BANP: variants seen among roughly 807,000 people sequenced by gnomAD.
The protein encoded by BANP is BTG3 associated nuclear protein.
A neutral mutation model predicts 68.1 loss-of-function variants in BANP; 11 were observed. That is an observed-to-expected ratio of 0.16 (90% CI 0.10 to 0.27). BANP has a LOEUF of 0.27. BANP is among the 10% of genes least tolerant of loss of function. The pLI, the probability that BANP is intolerant of heterozygous loss-of-function variation, is 1.00. For synonymous variants in BANP, 329 were observed against 303.2 expected (o/e 1.09, Z -0.88); for missense variants, 504 against 722.7 (o/e 0.70, Z 3.47).
At chr16:88,040,883 A>T (rs374767144) in intron 11 of BANP, among the ~76,000 whole-genome samples, 5 of 152,352 alleles carry the variant, frequency 3.3e-5, no homozygotes, top group African/African-American at 1.2e-4. Context: ...TAGATCACTG[A>T]GGATTGGCTT....
chr16:88,032,543 A>C (rs989664500), intron 8 of BANP, among the ~76,000 whole-genome samples: 4 of 152,218 alleles, frequency 2.6e-5, no homozygotes, highest in African/African-American at 9.7e-5. Context: ...TAGTCATTAT[A>C]ATTCTCTGCA....
At chr16:88,027,954 G>A (rs578045360) in intron 8 of BANP, among the ~76,000 whole-genome samples, 28 of 152,374 alleles carry the variant, frequency 1.8e-4, no homozygotes, top group African/African-American at 5.5e-4. Context: ...TGGGGCTGCC[G>A]GCCGTTGTAT....
chr16:87,974,616 G>A (rs1567628641), intron 1 of BANP, among the ~76,000 whole-genome samples: 1 of 152,202 alleles, frequency 6.6e-6, no homozygotes, highest in Non-Finnish European at 1.5e-5. Context: ...CCAGTGGTAT[G>A]GGTGGGAAGG....
In BANP at chr16:88,071,412, C is replaced by T. The variant is rs973906200; in HGVS notation, c.1378-657C>T. 5 of 452,048 alleles carry T rather than the reference C, an allele frequency of 1.1e-5. No homozygotes were observed. The highest frequency in any genetic ancestry group is 1.4e-4 in the East Asian group (2 of 14,342). The allele number at this position is 452,048 out of a possible 1,614,324, so 28.0% of individuals were successfully genotyped here. A position where few individuals can be genotyped will look rare whatever the true frequency, so the allele number is the denominator to read the frequency against. On this transcript the variant is annotated intron_variant, in intron 12 of 13. Coordinates refer to ENST00000682872, the MANE Select transcript of BANP (RefSeq NM_001386991.1). This position sits in a 1 kb window ranked among gnomAD's most constrained non-coding sequence, Gnocchi z 6.5. ...CAGGCGATGGGGTCACCAGAGCCCA[C>T]CCAGGGGCCTCGCCTGTCCCCCATT...
chr16:87,978,665 C>T (rs1346256271), intron 2 of BANP: 1 of 469,962 alleles, frequency 2.1e-6, no homozygotes, highest in Non-Finnish European at 4.4e-6. Flanking sequence ...ACCCGCACCT[C>T]AGCCCCTGAG....
chr16:88,001,310 A>G lies in BANP; in HGVS notation c.363-2985A>G, dbSNP rs202184427. On this transcript the variant is annotated intron_variant, in intron 4 of 13. Coordinates refer to ENST00000682872, the MANE Select transcript of BANP (RefSeq NM_001386991.1). ...TCAACATGCACGCACGTGCGCGGCT[A>G]GACTTACCTGTCCTTCCAGATACCC... Among the ~76,000 whole-genome samples, 29 of 64,396 alleles carry G rather than the reference A, an allele frequency of 4.5e-4. 1 individual carries two copies. Among genetic ancestry groups the G allele is most frequent in the East Asian group, 1.0e-3 (1 of 976 alleles). 42.2% of individuals were successfully genotyped at this position (64,396 alleles called of 152,430 possible).
intron 6 of BANP, among the ~76,000 whole-genome samples, chr16:88,009,095 C>G (rs2072199773): frequency 6.6e-6 from 1 of 152,174 alleles, no homozygotes; most frequent in Admixed American, 6.5e-5. Context: ...CCATTAATGT[C>G]TCTTATGTCA....
At chr16:88,059,895 G>A (rs868280673) in intron 11 of BANP, among the ~76,000 whole-genome samples, 2 of 152,350 alleles carry the variant, frequency 1.3e-5, no homozygotes, top group Middle Eastern at 3.4e-3. Flanking sequence ...GTCACCTGGA[G>A]CCACGGCCTG....
chr16:87,975,159 T>C lies in BANP; in HGVS notation c.44T>C (p.Val15Ala). 6.2e-7 allele frequency: 1 copy of C among 1,614,144 alleles called. No individual in the cohort carries two copies. The highest frequency in any genetic ancestry group is 8.5e-7 in the Non-Finnish European group (1 of 1,180,002). The part of the protein sequence containing the change: ...HDLADVVQIA[V>A]EDLSPDHPVV... ...CTGGCCGATGTGGTTCAGATTGCAGTGGAAGACCTGAGCCCTGACCACCCA... is the reference window on the plus strand; with the variant it reads ...CTGGCCGATGTGGTTCAGATTGCAGCGGAAGACCTGAGCCCTGACCACCCA... The change falls in exon 2 of 14, where the codon GTG (valine) becomes GCG (alanine). Residue 15 changes from valine (V) to alanine (A), a missense_variant. By Grantham distance (64) the Val-to-Ala change is moderately conservative. This residue lies in a region of BANP where 238 missense variants were observed against 278.9 expected (regional missense o/e 0.85). Coordinates refer to ENST00000682872, the MANE Select transcript of BANP (RefSeq NM_001386991.1).
intron 4 of BANP, among the ~76,000 whole-genome samples, chr16:87,989,946 C>A (rs1472550102): frequency 9.5e-6 from 1 of 105,024 alleles, no homozygotes; most frequent in Non-Finnish European, 2.0e-5. Flanking sequence ...ACAGGGCGGG[C>A]GACAGGGGAT....
intron 12 of BANP, among the ~76,000 whole-genome samples, chr16:88,067,264 C>T (rs933112475): frequency 2.6e-5 from 4 of 152,096 alleles, no homozygotes; most frequent in Admixed American, 6.5e-5. Context: ...GGGTCAGAGC[C>T]GCTGGGCTGG....
At chr16:87,976,016 T>A (rs553994721) in intron 2 of BANP, among the ~76,000 whole-genome samples, 2 of 152,062 alleles carry the variant, frequency 1.3e-5, no homozygotes, top group African/African-American at 4.8e-5. Context: ...CTTACCATGT[T>A]GTGTGTGTAA....
chr16:87,959,262 C>G (rs2058666575), intron 1 of BANP, among the ~76,000 whole-genome samples: 1 of 152,216 alleles, frequency 6.6e-6, no homozygotes, highest in South Asian at 2.1e-4. Flanking sequence ...ATGTAATTTT[C>G]TCATCATGAA....
chr16:88,050,438 G>T (rs2082985326), intron 11 of BANP, among the ~76,000 whole-genome samples: 1 of 152,176 alleles, frequency 6.6e-6, no homozygotes. Context: ...TTACAGGCAT[G>T]AGCCACCATG....
chr16:87,988,658 C>T lies in BANP; in HGVS notation c.362+4399C>T, dbSNP rs2152485008. On this transcript the variant is annotated intron_variant, in intron 4 of 13. Coordinates refer to ENST00000682872, the MANE Select transcript of BANP (RefSeq NM_001386991.1). ...TGCTGTTAAAATAGCCCGGGGTTCC[C>T]AGGGCTCACTCCTTGCTGTGAGGGA... Among the ~76,000 whole-genome samples, 3 of 152,282 alleles carry T rather than the reference C, an allele frequency of 2.0e-5. 1 individual carries two copies. Among genetic ancestry groups the T allele is most frequent in the Middle Eastern group, 6.8e-3 (2 of 294 alleles).
In BANP at chr16:88,018,368, G is replaced by A; in HGVS notation, c.656-60G>A. On this transcript the variant is annotated intron_variant, in intron 6 of 13. Coordinates refer to ENST00000682872, the MANE Select transcript of BANP (RefSeq NM_001386991.1). This position sits in a 1 kb window ranked among gnomAD's most constrained non-coding sequence, Gnocchi z 7.7. ...CTGTGCCTGAGCAGAGCGCTCTGCTGTCCTGAATGTGAGCTTATTTGAGCC... is the reference window on the plus strand; with the variant it reads ...CTGTGCCTGAGCAGAGCGCTCTGCTATCCTGAATGTGAGCTTATTTGAGCC... 6.4e-7 allele frequency: 1 copy of A among 1,569,496 alleles called. No homozygotes were observed. The highest frequency in any genetic ancestry group is 8.6e-7 in the Non-Finnish European group (1 of 1,156,520).
At position 87,980,331 on chromosome 16, in the gene BANP, G is replaced by A. The variant is rs576602404; in HGVS notation, c.71-705G>A. 8.9e-4 allele frequency among the ~76,000 whole-genome samples: 135 copies of A among 152,338 alleles called. 1 individual carries two copies. The highest frequency in any genetic ancestry group is 2.6e-3 in the African/African-American group (109 of 41,564). On this transcript the variant is annotated intron_variant, in intron 2 of 13. Transcript: ENST00000682872. ...TTGCAGAGATGAGGCAATTGTGGCC[G>A]ATTTTGGTCTTTGATTTTGAGGTTA...
chr16:87,986,498 A>C (rs1235674766), intron 4 of BANP, among the ~76,000 whole-genome samples: 2 of 152,200 alleles, frequency 1.3e-5, no homozygotes, highest in African/African-American at 4.8e-5. Flanking sequence ...TGACTGTCAC[A>C]GTTGCCCTGA....
In BANP at chr16:88,033,096, G is replaced by T. The variant is rs538774881; in HGVS notation, c.1064-13G>T. 3 of 1,592,298 alleles carry T rather than the reference G, an allele frequency of 1.9e-6. No individual in the cohort carries two copies. The highest frequency in any genetic ancestry group is 1.1e-5 in the South Asian group (1 of 89,312). ...CTTCTCGTTCACCCCGTTCACACCT[G>T]TTGCCCCCACAGAGCCGATGATGAG... On this transcript the variant is annotated splice_polypyrimidine_tract_variant and intron_variant, in intron 8 of 13. Transcript: ENST00000682872.
Sources: gnomAD v4.1 joint callset for allele counts (sites outside exome capture counted in the v4.1 genomes callset) on GRCh38, gnomAD v4.1.1 for gene constraint, gnomAD v4.1.1 regional missense constraint, Gnocchi (gnomAD v3.1) non-coding constraint, MANE v1.5 for transcripts, NCBI Gene and HGNC (gene_info 2026-07-23, HGNC 2026-07-21) for gene names.